Variants in SERPINA3 observed in about 807,000 individuals in gnomAD.
SERPINA3 encodes alpha-1-antichymotrypsin.
In SERPINA3, 32 loss-of-function variants were observed where a neutral mutation model predicts 26.8. The observed-to-expected ratio is 1.20, with a 90% CI of 0.90 to 1.61. The LOEUF is 1.61. Ranked by LOEUF, SERPINA3 falls within the 40% of genes most tolerant of loss-of-function variation. SERPINA3 has a pLI of 0.00. For synonymous variants in SERPINA3, 252 were observed against 206.4 expected, an observed-to-expected ratio of 1.22 and a Z score of -1.89; for missense variants, 632 against 517.9, an observed-to-expected ratio of 1.22 and a Z score of -2.14.
chr14:94,616,386 C>T (rs1595095614), intron 2 of SERPINA3, among the ~76,000 whole-genome samples: 1 of 152,196 alleles, frequency 6.6e-6, no homozygotes, highest in Non-Finnish European at 1.5e-5. Context: ...TCTCCAGGTG[C>T]CAGTTTTGCT....
rs576501439 is a variant in SERPINA3, at chr14:94,612,822, A to T, written c.-9+375A>T. Among the ~76,000 whole-genome samples the T allele has an allele frequency of 2.4e-3, 367 of 152,264 alleles. 5 individuals are homozygous for T. The highest frequency in any genetic ancestry group is 0.017 in the Middle Eastern group (5 of 294). ...AACATGTGGCAGATGTGATTATTGC[A>T]GCAGGTCCCTCTGAGCAGAGGCCAC... is the stretch of plus-strand genomic sequence containing the variant. On this transcript the variant is annotated intron_variant, in intron 1 of 4. Coordinates refer to ENST00000393078, the MANE Select transcript of SERPINA3 (RefSeq NM_001085.5).
chr14:94,621,017 C>T (rs187730439), intron 3 of SERPINA3, among the ~76,000 whole-genome samples: 28 of 152,210 alleles, frequency 1.8e-4, no homozygotes, highest in African/African-American at 4.8e-4. Context: ...TGTGAGAATC[C>T]GGTGAGGTAT....
intron 1 of SERPINA3, chr14:94,613,889 C>T (rs1885876563): frequency 1.3e-5 from 2 of 158,396 alleles, no homozygotes; most frequent in Non-Finnish European, 2.8e-5. Context: ...ATCGTGGAGG[C>T]CTGTGGAGGC....
intron 1 of SERPINA3, 49 bp from the exon 2 acceptor site, chr14:94,614,385 T>G: frequency 6.3e-7 from 1 of 1,582,492 alleles, no homozygotes; most frequent in Non-Finnish European, 8.6e-7. Flanking sequence ...TGGGAGGTGG[T>G]CGGGGCTCCA....
At chr14:94,622,534 C>T (rs2139965751) in intron 4 of SERPINA3, 43 bp downstream of exon 4, 1 of 1,609,130 alleles carries the variant, frequency 6.2e-7, no homozygotes, top group Non-Finnish European at 8.5e-7. Context: ...TGTATCCGAA[C>T]TTGAATTGGT....
At chr14:94,615,200 G>A (rs1163988775) in intron 2 of SERPINA3, 116 bp downstream of exon 2, 1 of 1,175,086 alleles carries the variant, frequency 8.5e-7, no homozygotes, top group Non-Finnish European at 1.3e-6. Context: ...ACAGCATGGG[G>A]GCAGCATAAG....
Position 94,614,672 on chromosome 14 carries a change from AC to A in SERPINA3, c.232del (p.Leu78Ter). On this transcript the variant is annotated frameshift_variant, in exon 2 of 5. Transcript: ENST00000393078. LOFTEE classifies it high-confidence loss of function. ...APDKNVIFSP[L>X]SISTALAFLS... is the part of the protein sequence containing the mutation. ...CTGATAAGAATGTCATCTTCTCCCC[AC>A]TGAGCATCTCCACCGCCTTGGCCTT... 1.2e-6 allele frequency: 2 copies of A among 1,613,878 alleles called. No individual in the cohort carries two copies. The highest frequency in any genetic ancestry group is 2.2e-5 in the South Asian group (2 of 91,036).
intron 2 of SERPINA3, chr14:94,618,944 A>G: frequency 1.7e-6 from 1 of 579,192 alleles, no homozygotes; most frequent in Non-Finnish European, 3.1e-6. Flanking sequence ...TGCACTCCTT[A>G]TTCCCTGGTT....
At chr14:94,619,150 G>C (rs77331596) in intron 2 of SERPINA3, 45 bp from the exon 3 acceptor site, 2 of 1,612,122 alleles carry the variant, frequency 1.2e-6, no homozygotes, top group Non-Finnish European at 8.5e-7. Flanking sequence ...CGAGCAGGGC[G>C]ACCCTTGCAC....
Position 94,615,010 on chromosome 14 carries a change from G to A in SERPINA3, c.569G>A (p.Gly190Glu), listed in dbSNP as rs1375667847. Residue 190 changes from glycine (G) to glutamate (E), a missense_variant, in exon 2 of 5, where the codon GGG becomes GAG. Coordinates refer to ENST00000393078, the MANE Select transcript of SERPINA3 (RefSeq NM_001085.5). ...GACTACGTGAAGAATGGAACTAGGG[G>A]GAAAATCACAGATCTGATCAAGGAC... Reference protein sequence around the residue: ...INDYVKNGTRGKITDLIKDLD... With the variant: ...INDYVKNGTREKITDLIKDLD... 3.7e-6 allele frequency: 6 copies of A among 1,614,144 alleles called. No individual in the cohort carries two copies. Among genetic ancestry groups the A allele is most frequent in the Non-Finnish European group, 5.1e-6 (6 of 1,180,018 alleles).
intron 1 of SERPINA3, 31 bp from the exon 2 acceptor site, chr14:94,614,403 C>T: frequency 6.2e-7 from 1 of 1,605,948 alleles, no homozygotes; most frequent in Non-Finnish European, 8.5e-7. Flanking sequence ...CCATCTGGCC[C>T]TCTGAGACTT....
chr14:94,614,270 A>T, intron 1 of SERPINA3, 164 bp from the exon 2 acceptor site: 1 of 657,608 alleles, frequency 1.5e-6, no homozygotes, highest in Non-Finnish European at 2.7e-6. Flanking sequence ...AATGAAGCAG[A>T]GTGATGTGTG....
In SERPINA3 at chr14:94,614,282, CG is replaced by C. The variant is rs1366658415; in HGVS notation, c.-8-149del. Reference sequence around the variant, plus strand: ...TGAAATGAAGCAGAGTGATGTGTGTCGGGTGCCCCAGAGAGCACCTACCTGA... The same window carrying C: ...TGAAATGAAGCAGAGTGATGTGTGTCGGTGCCCCAGAGAGCACCTACCTGA... On this transcript the variant is annotated intron_variant, in intron 1 of 4. Transcript: ENST00000393078. The C allele has an allele frequency of 4.3e-6, 3 of 692,328 alleles. No individual in the cohort carries two copies. In the East Asian group the frequency reaches 7.8e-5, roughly 18 times the overall value. The allele number at this position is 692,328 out of a possible 1,614,324, so 42.9% of individuals were successfully genotyped here.
chr14:94,614,204 C>T (rs867249869), intron 1 of SERPINA3: 39 of 566,814 alleles, frequency 6.9e-5, no homozygotes, highest in Middle Eastern at 4.8e-4. Context: ...GCTCTGTGCC[C>T]GGCTTTTCCA....
At chr14:94,614,190 C>A (rs1294283473) in intron 1 of SERPINA3, 2 of 544,008 alleles carry the variant, frequency 3.7e-6, no homozygotes, top group Non-Finnish European at 6.6e-6. Flanking sequence ...CAAGCCCCCT[C>A]ACCGCTCTGT....
rs114023359 is a variant in SERPINA3 at position 94,613,718 on chromosome 14, G to A, written c.-8-716G>A. 7.4e-3 allele frequency: 1,122 copies of A among 152,446 alleles called. 16 individuals are homozygous for A. The highest frequency in any genetic ancestry group is 0.026 in the African/African-American group (1,076 of 41,548). 9.4% of individuals were successfully genotyped at this position (152,446 alleles called of 1,614,324 possible). A position where few individuals can be genotyped will look rare whatever the true frequency, so the allele number is the denominator to read the frequency against. On this transcript the variant is annotated intron_variant, in intron 1 of 4. Coordinates refer to ENST00000393078, the MANE Select transcript of SERPINA3 (RefSeq NM_001085.5). ...TAAGAGGCCCTTCCAGGCTTATGGT[G>A]GACACAGACACCACGTGGCAACCTG... is the stretch of plus-strand genomic sequence containing the variant.
intron 3 of SERPINA3, among the ~76,000 whole-genome samples, chr14:94,620,435 G>A (rs1213490519): frequency 6.6e-6 from 1 of 152,168 alleles, no homozygotes; most frequent in Non-Finnish European, 1.5e-5. Context: ...GAGAGGTCAG[G>A]AGTCCCCAAA....
intron 2 of SERPINA3, among the ~76,000 whole-genome samples, chr14:94,616,489 A>C (rs1886004865): frequency 6.6e-6 from 1 of 152,170 alleles, no homozygotes. Context: ...CCGAGCATGC[A>C]TGAGCTTCAG....
chr14:94,615,894 A>G (rs1472813641), intron 2 of SERPINA3, among the ~76,000 whole-genome samples: 2 of 152,182 alleles, frequency 1.3e-5, no homozygotes, highest in African/African-American at 4.8e-5. Context: ...GGGGACAAAA[A>G]AAGAGATAGG....
Sources: gnomAD v4.1 joint callset for allele counts (sites outside exome capture counted in the v4.1 genomes callset) on GRCh38, gnomAD v4.1.1 for gene constraint, MANE v1.5 for transcripts, NCBI Gene and HGNC (gene_info 2026-07-23, HGNC 2026-07-21) for gene names.